Variants in CLHC1 observed in about 807,000 individuals in gnomAD.
CLHC1 encodes clathrin heavy chain linker domain-containing protein 1.
A neutral mutation model predicts 69.5 loss-of-function variants in CLHC1; 72 were observed. The observed-to-expected ratio is 1.04, with a 90% confidence interval of 0.86 to 1.26. The LOEUF (loss-of-function observed/expected upper bound fraction) is 1.26, where lower values mean the gene tolerates loss of function less well. Among genes scored for constraint, CLHC1 ranks in the 50% most tolerant of loss-of-function variants. The pLI is 0.00. For missense variants in CLHC1, 790 were observed against 679.3 expected (o/e 1.16, Z -1.81); for synonymous variants, 223 against 224.3 (o/e 0.99, Z 0.05).
Position 55,182,862 on chromosome 2 carries a change from G to C in CLHC1, c.1007-1118C>G, listed in dbSNP as rs568909357. Among the ~76,000 whole-genome samples, 28 of 152,106 alleles carry C rather than the reference G, an allele frequency of 1.8e-4. No individual in the cohort carries two copies. The South Asian group carries it at 2.9e-3, about 16-fold the overall frequency. On this transcript the variant is annotated intron_variant, in intron 9 of 12. Transcript: ENST00000401408. ...ATAACCCCACCTGAGAGAGTCTTTG[G>C]GGGTACACACCACCAGAATCATTAG...
chr2:55,217,563 A>ATATATG (rs1553356852), intron 4 of CLHC1, among the ~76,000 whole-genome samples: 12 of 95,700 alleles, frequency 1.3e-4, no homozygotes, highest in South Asian at 3.3e-4. Flanking sequence ...ATATATATAT[A>ATATATG]TATATATATA....
intron 5 of CLHC1, among the ~76,000 whole-genome samples, chr2:55,211,904 A>G (rs1231569252): frequency 6.6e-6 from 1 of 152,242 alleles, no homozygotes; most frequent in African/African-American, 2.4e-5. Flanking sequence ...ACATGAATCA[A>G]CAATATCCAC....
chr2:55,222,918 C>CAAA (rs59113625), intron 2 of CLHC1, among the ~76,000 whole-genome samples: 831 of 68,310 alleles, frequency 0.012, 40 homozygotes, highest in African/African-American at 0.033. Flanking sequence ...GAAACTGTCT[C>CAAA]AAAAAAAAAA....
Position 55,209,789 on chromosome 2 carries a change from T to G in CLHC1, c.542A>C (p.Lys181Thr). 3.1e-6 allele frequency: 5 copies of G among 1,611,292 alleles called. No homozygotes were observed. Among genetic ancestry groups the G allele is most frequent in the Non-Finnish European group, 4.2e-6 (5 of 1,178,172 alleles). Residue 181 changes from lysine to threonine, a missense_variant, in exon 6 of 13, where the codon AAA (lysine) becomes ACA (threonine). Physicochemically the swap from Lys to Thr is moderately conservative, Grantham distance 78. Coordinates refer to ENST00000401408, the MANE Select transcript of CLHC1 (RefSeq NM_152385.4). ...TTTATCTTCAAGATGTTTCATGTAT[T>G]TAGTGAGAGCATCTAGATTCATGGA... ...QESMNLDALTKYMKHLEDKYA... is the reference protein window; with the variant it reads ...QESMNLDALTTYMKHLEDKYA...
chr2:55,194,375 G>A (rs1671202811), intron 9 of CLHC1, among the ~76,000 whole-genome samples: 1 of 152,000 alleles, frequency 6.6e-6, no homozygotes. Flanking sequence ...AAAGTTCTCA[G>A]CAACCATGAA....
At chr2:55,202,897 CAAA>C (rs34307486) in intron 9 of CLHC1, among the ~76,000 whole-genome samples, 2 of 93,396 alleles carry the variant, frequency 2.1e-5, no homozygotes, top group Admixed American at 1.1e-4. Context: ...AGACTCATCT[CAAA>C]AAAAAAAAAA....
chr2:55,202,513 G>A (rs368647719), intron 9 of CLHC1, among the ~76,000 whole-genome samples: 11 of 146,750 alleles, frequency 7.5e-5, no homozygotes, highest in South Asian at 4.3e-4. Flanking sequence ...CTGAGATCGC[G>A]CCATTGCACT....
At chr2:55,195,699 G>A (rs897722732) in intron 9 of CLHC1, among the ~76,000 whole-genome samples, 2 of 152,194 alleles carry the variant, frequency 1.3e-5, no homozygotes, top group African/African-American at 4.8e-5. Context: ...CTATTGGGGA[G>A]GCTGAGGCAG....
rs373461992 is a variant in CLHC1 at position 55,181,924 on chromosome 2, G to A, written c.1007-180C>T. On this transcript the variant is annotated intron_variant, in intron 9 of 12. Coordinates refer to ENST00000401408, the MANE Select transcript of CLHC1 (RefSeq NM_152385.4). ...CTTTATCTAAATGACTAAATATCACGTGCCATGTGAAGATGGAGGCAGAGA... is the reference window on the plus strand; with the variant it reads ...CTTTATCTAAATGACTAAATATCACATGCCATGTGAAGATGGAGGCAGAGA... 2.6e-3 allele frequency among the ~76,000 whole-genome samples: 393 copies of A among 151,826 alleles called. 1 individual carries two copies. The highest frequency in any genetic ancestry group is 9.2e-3 in the African/African-American group (380 of 41,362).
intron 11 of CLHC1, among the ~76,000 whole-genome samples, chr2:55,179,867 A>G (rs899307033): frequency 2.8e-4 from 42 of 152,290 alleles, no homozygotes; most frequent in East Asian, 1.5e-3. Context: ...AACATTATAT[A>G]TCACAGGCTG....
At chr2:55,177,850 G>T in intron 11 of CLHC1, 69 bp from the exon 12 acceptor site, 1 of 1,154,324 alleles carries the variant, frequency 8.7e-7, no homozygotes, top group Non-Finnish European at 1.2e-6. Context: ...ACTAGGACTA[G>T]CTAATGTCTA....
intron 2 of CLHC1, among the ~76,000 whole-genome samples, chr2:55,222,918 C>CAAAAAAAA (rs59113625): frequency 3.4e-4 from 23 of 68,552 alleles, no homozygotes; most frequent in African/African-American, 1.2e-3. Context: ...GAAACTGTCT[C>CAAAAAAAA]AAAAAAAAAA....
rs900955279 is a variant in CLHC1 at position 55,206,322 on chromosome 2, T to G, written c.954A>C (p.Ala318=). 6.2e-7 allele frequency: 1 copy of G among 1,612,086 alleles called. No individual in the cohort carries two copies. Among genetic ancestry groups the G allele is most frequent in the East Asian group, 2.2e-5 (1 of 44,790 alleles). The part of the protein sequence containing the change: ...GEYEKAACYA[A]NSPRRILRNI... ...TTCGAAGAATTCTTCTAGGACTGTT[T>G]GCTGCATAACAAGCTGCCTTTTCAT... The change falls in exon 9 of 13, where the codon GCA becomes GCC. Residue 318 remains alanine, a synonymous_variant. Transcript: ENST00000401408.
At chr2:55,211,502 CAAAA>C (rs35216255) in intron 5 of CLHC1, among the ~76,000 whole-genome samples, 1 of 82,262 alleles carries the variant, frequency 1.2e-5, no homozygotes, top group Non-Finnish European at 2.4e-5. Context: ...ACTATGTCTC[CAAAA>C]AAAAAAAAAA....
chr2:55,176,700 T>A (rs1371030267), intron 12 of CLHC1, among the ~76,000 whole-genome samples: 1 of 152,210 alleles, frequency 6.6e-6, no homozygotes, highest in African/African-American at 2.4e-5. Flanking sequence ...ATCACTATAA[T>A]TTTATTTCTA....
intron 9 of CLHC1, among the ~76,000 whole-genome samples, chr2:55,183,928 G>A (rs544684984): frequency 6.6e-5 from 10 of 152,068 alleles, no homozygotes; most frequent in African/African-American, 1.9e-4. Flanking sequence ...CTACAGGTGC[G>A]TGCTACCACG....
intron 4 of CLHC1, among the ~76,000 whole-genome samples, chr2:55,213,658 C>A (rs1415815120): frequency 6.6e-6 from 1 of 152,208 alleles, no homozygotes; most frequent in Non-Finnish European, 1.5e-5. Flanking sequence ...GTATAAACTT[C>A]TCTTAAGCAT....
chr2:55,193,427 G>A (rs1308265933), intron 9 of CLHC1, among the ~76,000 whole-genome samples: 5 of 151,584 alleles, frequency 3.3e-5, no homozygotes, highest in Admixed American at 6.6e-5. Flanking sequence ...ACTATATAAG[G>A]AACTCTTAAA....
intron 9 of CLHC1, among the ~76,000 whole-genome samples, chr2:55,189,031 G>T (rs1003799362): frequency 6.6e-6 from 1 of 152,116 alleles, no homozygotes; most frequent in African/African-American, 2.4e-5. Flanking sequence ...CAATGTATAT[G>T]ATAATAGCAC....
Sources: allele counts gnomAD v4.1 joint callset (sites outside exome capture counted in the v4.1 genomes callset), GRCh38; gene constraint gnomAD v4.1.1; transcripts MANE v1.5; gene names NCBI Gene and HGNC (gene_info 2026-07-23, HGNC 2026-07-21).